SAMD5: variants seen among roughly 807,000 people sequenced by gnomAD.
SAMD5 encodes sterile alpha motif domain containing 5.
Under a neutral mutation model 11.3 loss-of-function variants are expected in SAMD5, and 13 were observed. The observed-to-expected ratio is 1.15, with a 90% CI of 0.75 to 1.83. SAMD5 has a LOEUF of 1.83. SAMD5 is among the 40% of genes most tolerant of loss of function. SAMD5 has a pLI of 0.00. For missense variants in SAMD5, 255 were observed against 239.1 expected (o/e 1.07, Z -0.44); for synonymous variants, 129 against 111.3 (o/e 1.16, Z -1.00).
intron 1 of SAMD5, among the ~76,000 whole-genome samples, chr6:147,724,726 C>T (rs1340228008): frequency 6.6e-6 from 1 of 151,924 alleles, no homozygotes; most frequent in African/African-American, 2.4e-5. Context: ...AGGGAACAGC[C>T]TATTTGCAGT....
At chr6:147,828,075 C>T in the SAMD5 span, among the ~76,000 whole-genome samples, 29 of 152,172 alleles carry the variant, frequency 1.9e-4, no homozygotes, top group African/African-American at 5.5e-4. Context: ...CGTGAGCCAC[C>T]GCGCCAGGCC....
chr6:147,641,915 A>G (rs1216922126), intron 1 of SAMD5, among the ~76,000 whole-genome samples: 1 of 152,188 alleles, frequency 6.6e-6, no homozygotes, highest in African/African-American at 2.4e-5. Flanking sequence ...CTTAGAAGGA[A>G]ATCTTATTCT....
At chr6:147,815,948 A>G in the SAMD5 span, among the ~76,000 whole-genome samples, 1 of 152,114 alleles carries the variant, frequency 6.6e-6, no homozygotes, top group Non-Finnish European at 1.5e-5. Context: ...TAAGCTTGCT[A>G]TGCTTCTCTT....
At chr6:147,939,108 T>G in the SAMD5 span, among the ~76,000 whole-genome samples, 3 of 152,132 alleles carry the variant, frequency 2.0e-5, no homozygotes, top group African/African-American at 7.2e-5. Flanking sequence ...TACTTACCAT[T>G]ACCAGTTTAT....
the SAMD5 span, among the ~76,000 whole-genome samples, chr6:147,760,280 A>G: frequency 6.4e-4 from 97 of 152,198 alleles, no homozygotes; most frequent in Non-Finnish European, 1.3e-3. Context: ...CAATTGAGGT[A>G]TATGTTTGGA....
the SAMD5 span, among the ~76,000 whole-genome samples, chr6:147,773,018 A>C: frequency 6.6e-6 from 1 of 152,256 alleles, no homozygotes; most frequent in South Asian, 2.1e-4. Context: ...AAGTCCATAG[A>C]GTCACATGGC....
At chr6:147,784,587 A>G in the SAMD5 span, among the ~76,000 whole-genome samples, 8 of 152,244 alleles carry the variant, frequency 5.3e-5, no homozygotes, top group Non-Finnish European at 1.0e-4. Flanking sequence ...AAATGCAGCA[A>G]TTACTGCGGT....
chr6:147,858,723 C>A, the SAMD5 span, among the ~76,000 whole-genome samples: 1 of 152,168 alleles, frequency 6.6e-6, no homozygotes, highest in Non-Finnish European at 1.5e-5. Context: ...GAACTCTACT[C>A]GTTCCATCTT....
At chr6:147,586,190 C>T (rs991866317) in intron 1 of SAMD5, among the ~76,000 whole-genome samples, 4 of 152,194 alleles carry the variant, frequency 2.6e-5, no homozygotes, top group Non-Finnish European at 4.4e-5. Flanking sequence ...ATTCACAGTG[C>T]TGCTGCTGCT....
At chr6:147,919,536 G>T in the SAMD5 span, among the ~76,000 whole-genome samples, 530 of 152,248 alleles carry the variant, frequency 3.5e-3, 2 homozygotes, top group African/African-American at 0.012. Flanking sequence ...AGATTCATTG[G>T]CATTAGCATT....
At chr6:147,844,650 A>C in the SAMD5 span, among the ~76,000 whole-genome samples, 3 of 145,232 alleles carry the variant, frequency 2.1e-5, no homozygotes, top group Non-Finnish European at 4.5e-5. Flanking sequence ...ATGGAATACT[A>C]TTCAGCCTAA....
intron 1 of SAMD5, among the ~76,000 whole-genome samples, chr6:147,671,403 A>G (rs1018863443): frequency 1.3e-5 from 2 of 152,350 alleles, no homozygotes; most frequent in Non-Finnish European, 2.9e-5. Context: ...TCTGAAAACT[A>G]CAATAAAGCA....
intron 1 of SAMD5, among the ~76,000 whole-genome samples, chr6:147,684,742 C>T (rs1790985664): frequency 6.6e-6 from 1 of 152,136 alleles, no homozygotes. Flanking sequence ...CTTCACTTTG[C>T]ACAGGATTGC....
At chr6:147,875,678 A>G in the SAMD5 span, among the ~76,000 whole-genome samples, 36 of 151,538 alleles carry the variant, frequency 2.4e-4, no homozygotes, top group Admixed American at 2.2e-3. Flanking sequence ...CCTGAGCTCC[A>G]CTCCTGTCAC....
chr6:147,887,110 A>G, the SAMD5 span, among the ~76,000 whole-genome samples: 8 of 152,014 alleles, frequency 5.3e-5, no homozygotes, highest in African/African-American at 1.9e-4. Context: ...GCAGCAATAG[A>G]TAACAAATAC....
the SAMD5 span, among the ~76,000 whole-genome samples, chr6:147,853,350 C>T: frequency 6.6e-6 from 1 of 151,928 alleles, no homozygotes; most frequent in African/African-American, 2.4e-5. Context: ...CTTTGGGCTC[C>T]TTTGAAACTC....
chr6:147,557,169 G>A (rs1056590694), intron 1 of SAMD5, among the ~76,000 whole-genome samples: 1 of 151,980 alleles, frequency 6.6e-6, no homozygotes, highest in South Asian at 2.1e-4. Context: ...TTTTCATTAT[G>A]ACATTAAATA....
At chr6:147,596,068 C>A (rs1789527647) in intron 1 of SAMD5, among the ~76,000 whole-genome samples, 1 of 152,082 alleles carries the variant, frequency 6.6e-6, no homozygotes, top group Admixed American at 6.5e-5. Context: ...GCTGTAATCC[C>A]TTCTATGTTT....
At chr6:147,685,197 G>A (rs897888077) in intron 1 of SAMD5, among the ~76,000 whole-genome samples, 1 of 151,864 alleles carries the variant, frequency 6.6e-6, no homozygotes, top group Non-Finnish European at 1.5e-5. Context: ...TTTTTGTTTT[G>A]TTTTCTTTTT....
Sources: allele counts gnomAD v4.1 joint callset (sites outside exome capture counted in the v4.1 genomes callset), GRCh38; gene constraint gnomAD v4.1.1; transcripts MANE v1.5; gene names NCBI Gene and HGNC (gene_info 2026-07-23, HGNC 2026-07-21).